Variants in GLRX3 observed in about 807,000 individuals in gnomAD.
GLRX3 encodes the protein glutaredoxin 3.
GLRX3 carries 22 observed loss-of-function variants against 49.5 expected under a neutral mutation model. That is an observed-to-expected ratio of 0.44 (90% CI 0.32 to 0.63). The LOEUF (loss-of-function observed/expected upper bound fraction) is 0.63, where lower values mean the gene tolerates loss of function less well. GLRX3 is among the 30% of genes least tolerant of loss of function. GLRX3 has a pLI of 0.05. For missense variants in GLRX3, 385 were observed against 396.3 expected (o/e 0.97, Z 0.24); for synonymous variants, 133 against 140.0 (o/e 0.95, Z 0.35).
intron 8 of GLRX3, among the ~76,000 whole-genome samples, chr10:130,172,900 G>A (rs944701602): frequency 2.0e-5 from 3 of 152,146 alleles, no homozygotes; most frequent in South Asian, 2.1e-4. Context: ...CTGAAACCAC[G>A]CCACTGCACT....
At chr10:130,158,584 C>G (rs983448715) in intron 2 of GLRX3, among the ~76,000 whole-genome samples, 1 of 152,074 alleles carries the variant, frequency 6.6e-6, no homozygotes, top group East Asian at 1.9e-4. Flanking sequence ...GTAGTGGGCA[C>G]TCCATAGATG....
At chr10:130,149,351 A>G (rs541076374) in intron 2 of GLRX3, among the ~76,000 whole-genome samples, 1 of 152,140 alleles carries the variant, frequency 6.6e-6, no homozygotes, top group East Asian at 1.9e-4. Flanking sequence ...CCGAGGCAGG[A>G]GAATCATTTC....
At chr10:130,142,772 TATGTGA>T (rs895980989) in intron 1 of GLRX3, among the ~76,000 whole-genome samples, 2 of 152,176 alleles carry the variant, frequency 1.3e-5, no homozygotes, top group African/African-American at 4.8e-5. Flanking sequence ...TCTTGACTTC[TATGTGA>T]CCCTTCAATC....
intron 10 of GLRX3, among the ~76,000 whole-genome samples, chr10:130,178,147 G>T (rs908640431): frequency 6.6e-6 from 1 of 152,170 alleles, no homozygotes; most frequent in South Asian, 2.1e-4. Context: ...GTGTTGCCAG[G>T]TTGGGTTTCA....
intron 1 of GLRX3, among the ~76,000 whole-genome samples, chr10:130,142,761 C>G (rs183823410): frequency 3.7e-4 from 56 of 152,248 alleles, no homozygotes; most frequent in Non-Finnish European, 1.0e-4. Context: ...TGACACTCTT[C>G]TCTTGACTTC....
chr10:130,179,006 A>G (rs76087798), intron 10 of GLRX3, among the ~76,000 whole-genome samples: 15,268 of 151,104 alleles, frequency 0.1, 794 homozygotes, highest in Middle Eastern at 0.13. Context: ...ACCCAGCCTT[A>G]TTTATTTATT....
intron 3 of GLRX3, among the ~76,000 whole-genome samples, chr10:130,160,540 T>C (rs1486467289): frequency 1.3e-5 from 2 of 152,200 alleles, no homozygotes; most frequent in Non-Finnish European, 2.9e-5. Context: ...TTCCAGCCAA[T>C]GTGGGGGCAG....
chr10:130,149,150 A>G (rs1468004365), intron 2 of GLRX3, among the ~76,000 whole-genome samples: 8 of 152,126 alleles, frequency 5.3e-5, no homozygotes, highest in Non-Finnish European at 1.5e-5. Flanking sequence ...TGCCATGTCT[A>G]GTGGGCTCTT....
intron 6 of GLRX3, among the ~76,000 whole-genome samples, 196 bp from the exon 7 acceptor site, chr10:130,169,237 C>G (rs1862755174): frequency 6.6e-6 from 1 of 152,092 alleles, no homozygotes; most frequent in South Asian, 2.1e-4. Flanking sequence ...GCCTTAAAAG[C>G]CATATTGTGT....
intron 10 of GLRX3, among the ~76,000 whole-genome samples, chr10:130,176,540 A>T (rs557662585): frequency 1.2e-4 from 18 of 152,194 alleles, no homozygotes; most frequent in Non-Finnish European, 2.6e-4. Context: ...ATTGATGCAG[A>T]GGCTCTTTTT....
At chr10:130,176,111 AG>A (rs1862912657) in intron 10 of GLRX3, among the ~76,000 whole-genome samples, 1 of 150,506 alleles carries the variant, frequency 6.6e-6, no homozygotes, top group Non-Finnish European at 1.5e-5. Flanking sequence ...GTAAAATAAA[AG>A]TTTTTTTTTT....
chr10:130,165,924 G>T (rs34029122), intron 4 of GLRX3, among the ~76,000 whole-genome samples: 5 of 152,094 alleles, frequency 3.3e-5, no homozygotes, highest in Non-Finnish European at 7.4e-5. Flanking sequence ...AGTGCTGAGC[G>T]GAGGCCACCC....
At chr10:130,152,218 C>T (rs977279037) in intron 2 of GLRX3, among the ~76,000 whole-genome samples, 7 of 152,080 alleles carry the variant, frequency 4.6e-5, no homozygotes, top group African/African-American at 1.2e-4. Flanking sequence ...AGGGTTTCAC[C>T]GTGTTGGCCA....
rs1222514871 is a variant in GLRX3, at chr10:130,149,443, A to G, written c.201+4124A>G. ...CGTGACAGAGCAAGACTCCGTCTCA[A>G]AAAAAAAAAACAAAACAGGAAAAGT... is the stretch of plus-strand genomic sequence containing the variant. On this transcript the variant is annotated intron_variant, in intron 2 of 10. Transcript: ENST00000331244. Among the ~76,000 whole-genome samples, 5 of 150,764 alleles carry G rather than the reference A, an allele frequency of 3.3e-5. No homozygotes were observed. In the East Asian group the frequency reaches 7.8e-4, roughly 23 times the overall value.
chr10:130,142,925 C>G (rs908140554), intron 1 of GLRX3, among the ~76,000 whole-genome samples: 17 of 152,334 alleles, frequency 1.1e-4, no homozygotes, highest in East Asian at 1.9e-4. Context: ...CCTCGGGTCT[C>G]CTCTGTGTCC....
At chr10:130,139,373 C>T (rs1476346815) in intron 1 of GLRX3, among the ~76,000 whole-genome samples, 1 of 147,180 alleles carries the variant, frequency 6.8e-6, no homozygotes, top group Non-Finnish European at 1.5e-5. Flanking sequence ...GGCGCGGTGG[C>T]TCACGCCTGT....
intron 8 of GLRX3, among the ~76,000 whole-genome samples, chr10:130,172,308 G>A (rs1392737176): frequency 1.3e-5 from 2 of 152,060 alleles, no homozygotes; most frequent in Non-Finnish European, 2.9e-5. Flanking sequence ...AAAGCTGAGG[G>A]GCACATATTA....
chr10:130,159,603 C>T, intron 2 of GLRX3: 1 of 166,870 alleles, frequency 6.0e-6, no homozygotes, highest in East Asian at 1.7e-4. Flanking sequence ...ATAGAGCAAA[C>T]AGCAAGAATT....
chr10:130,143,439 A>G lies in GLRX3; in HGVS notation c.93-1772A>G, dbSNP rs140609503. ...AAGGATTTTTTAGTTGGATATGACC[A>G]TAGATATCTTTGCCAAGATAATTTT... On this transcript the variant is annotated intron_variant, in intron 1 of 10. Transcript: ENST00000331244. Among the ~76,000 whole-genome samples, 809 of 152,334 alleles carry G rather than the reference A, an allele frequency of 5.3e-3. 2 individuals carry two copies. Among genetic ancestry groups the G allele is most frequent in the African/African-American group, 0.018 (765 of 41,570 alleles).
Sources: allele counts gnomAD v4.1 joint callset (sites outside exome capture counted in the v4.1 genomes callset), GRCh38; gene constraint gnomAD v4.1.1; transcripts MANE v1.5; gene names NCBI Gene and HGNC (gene_info 2026-07-23, HGNC 2026-07-21).